The following FGGY variants were observed in gnomAD, a reference collection of about 807,000 sequenced individuals.
FGGY encodes FGGY carbohydrate kinase domain-containing protein.
In FGGY, 72 loss-of-function variants were observed where a neutral mutation model predicts 71.3. The observed-to-expected ratio is 1.01, with a 90% CI of 0.84 to 1.23. The LOEUF is 1.23. Among genes scored for constraint, FGGY ranks in the 50% most tolerant of loss-of-function variants. The pLI is 0.00. For missense variants in FGGY, 668 were observed against 682.3 expected (o/e 0.98, Z 0.23); for synonymous variants, 251 against 250.3 (o/e 1.00, Z -0.02).
chr1:59,392,347 C>A (rs543774306), intron 5 of FGGY, among the ~76,000 whole-genome samples: 1 of 152,266 alleles, frequency 6.6e-6, no homozygotes, highest in South Asian at 2.1e-4. Flanking sequence ...TAAGGCTTGG[C>A]GGTTTTCAGG....
chr1:59,715,748 C>T (rs922322380), intron 14 of FGGY, among the ~76,000 whole-genome samples: 6 of 152,210 alleles, frequency 3.9e-5, no homozygotes, highest in African/African-American at 1.4e-4. Flanking sequence ...ATGTGCAGAG[C>T]ACTGTGCTAA....
At chr1:59,321,940 G>A (rs1408629809) in intron 2 of FGGY, among the ~76,000 whole-genome samples, 190 bp downstream of exon 2, 1 of 152,144 alleles carries the variant, frequency 6.6e-6, no homozygotes, top group Non-Finnish European at 1.5e-5. Flanking sequence ...GTAAGAGCTG[G>A]GATCAAAGTA....
intron 7 of FGGY, among the ~76,000 whole-genome samples, chr1:59,551,624 T>C (rs1476672649): frequency 1.3e-5 from 2 of 152,174 alleles, no homozygotes; most frequent in African/African-American, 2.4e-5. Flanking sequence ...GAGAAAAACC[T>C]GTGAGTCTTG....
At chr1:59,411,112 T>C (rs1217419442) in intron 5 of FGGY, among the ~76,000 whole-genome samples, 5 of 152,240 alleles carry the variant, frequency 3.3e-5, no homozygotes, top group African/African-American at 1.2e-4. Flanking sequence ...GAATCTAGGA[T>C]CACACAATAC....
At chr1:59,625,839 G>T (rs1050461863) in intron 9 of FGGY, 149 bp from the exon 10 acceptor site, 1 of 492,148 alleles carries the variant, frequency 2.0e-6, no homozygotes, top group Non-Finnish European at 3.5e-6. Flanking sequence ...TTTAGCTGAG[G>T]CACTCTTGCT....
intron 8 of FGGY, among the ~76,000 whole-genome samples, chr1:59,580,807 A>G (rs1032971265): frequency 1.3e-5 from 2 of 152,140 alleles, no homozygotes; most frequent in African/African-American, 4.8e-5. Flanking sequence ...CCAAGCACAT[A>G]TTATATGTTA....
At chr1:59,548,668 G>A (rs551243572) in intron 7 of FGGY, among the ~76,000 whole-genome samples, 14 of 152,182 alleles carry the variant, frequency 9.2e-5, no homozygotes, top group Non-Finnish European at 1.0e-4. Context: ...CTAGCTATAT[G>A]TTGCTACTTA....
At chr1:59,443,451 C>A (rs983691283) in intron 5 of FGGY, among the ~76,000 whole-genome samples, 5 of 152,112 alleles carry the variant, frequency 3.3e-5, no homozygotes, top group African/African-American at 1.2e-4. Flanking sequence ...TGCTCCCCAC[C>A]CCCCAACTAG....
intron 2 of FGGY, among the ~76,000 whole-genome samples, chr1:59,334,532 C>T (rs2049101032): frequency 1.3e-5 from 2 of 152,122 alleles, no homozygotes; most frequent in Admixed American, 1.3e-4. Context: ...AAACATATGG[C>T]ACATAGTAGA....
At chr1:59,456,435 A>C (rs12093779) in intron 5 of FGGY, among the ~76,000 whole-genome samples, 5,894 of 151,812 alleles carry the variant, frequency 0.039, 382 homozygotes, top group African/African-American at 0.14. Flanking sequence ...GATCCAAATA[A>C]AGGACTGAAA....
At chr1:59,355,549 A>ATTTTTTTTTTT (rs112884353) in intron 4 of FGGY, among the ~76,000 whole-genome samples, 1 of 147,568 alleles carries the variant, frequency 6.8e-6, no homozygotes, top group Non-Finnish European at 1.5e-5. Context: ...TGAGCAAGGG[A>ATTTTTTTTTTT]TTTTTTTTTT....
intron 7 of FGGY, among the ~76,000 whole-genome samples, chr1:59,541,629 T>C (rs1389580300): frequency 6.6e-6 from 1 of 152,172 alleles, no homozygotes; most frequent in Non-Finnish European, 1.5e-5. Flanking sequence ...TTAAAAGTCA[T>C]TTTAAAATTA....
At chr1:59,460,396 C>A (rs577327238) in intron 6 of FGGY, among the ~76,000 whole-genome samples, 311 of 152,258 alleles carry the variant, frequency 2.0e-3, no homozygotes, top group African/African-American at 7.0e-3. Flanking sequence ...CAGAGCAGCT[C>A]GGAAGCTCGA....
rs2064957412 is a variant in FGGY at position 59,418,940 on chromosome 1, T to TA, written c.555-38020dup. ...ATTTGGGCTACAGGCCAGGGTTTCC[T>TA]AGGGACAATACATAGAAAAGTATGG... On this transcript the variant is annotated intron_variant, in intron 5 of 15. Transcript: ENST00000303721. Among the ~76,000 whole-genome samples, 5 of 152,208 alleles carry TA rather than the reference T, an allele frequency of 3.3e-5. No individual in the cohort carries two copies. In the South Asian group the frequency reaches 1.0e-3, roughly 32 times the overall value.
intron 7 of FGGY, among the ~76,000 whole-genome samples, chr1:59,523,904 T>C (rs1203282182): frequency 6.6e-6 from 1 of 152,218 alleles, no homozygotes; most frequent in Non-Finnish European, 1.5e-5. Flanking sequence ...CTGGCTGCAG[T>C]AGAGGAATGC....
chr1:59,375,265 GAAA>G (rs1289366742), intron 4 of FGGY, among the ~76,000 whole-genome samples: 12 of 99,848 alleles, frequency 1.2e-4, no homozygotes, highest in South Asian at 6.7e-4. Flanking sequence ...TCTCAAAAAA[GAAA>G]AAAAAAAAAA....
At chr1:59,669,921 C>T (rs1047062988) in intron 13 of FGGY, among the ~76,000 whole-genome samples, 8 of 152,134 alleles carry the variant, frequency 5.3e-5, no homozygotes, top group Admixed American at 6.5e-5. Flanking sequence ...CTCAGAAGCA[C>T]GGCGGGGAGT....
chr1:59,418,485 AAGG>A (rs967795144), intron 5 of FGGY, among the ~76,000 whole-genome samples: 3 of 151,096 alleles, frequency 2.0e-5, no homozygotes, highest in African/African-American at 7.3e-5. Context: ...GCAGGAAGGG[AAGG>A]AGGAAAGAAA....
chr1:59,594,718 C>T (rs997031585), intron 8 of FGGY, among the ~76,000 whole-genome samples: 1 of 152,218 alleles, frequency 6.6e-6, no homozygotes, highest in Non-Finnish European at 1.5e-5. Flanking sequence ...GCCAAATTCT[C>T]AAATTGCCAG....
Sources: allele counts gnomAD v4.1 joint callset (sites outside exome capture counted in the v4.1 genomes callset), GRCh38; gene constraint gnomAD v4.1.1; transcripts MANE v1.5; gene names NCBI Gene and HGNC (gene_info 2026-07-23, HGNC 2026-07-21).